Variants in DOCK4 observed in about 807,000 individuals in gnomAD.
DOCK4 encodes the protein dedicator of cytokinesis 4.
A neutral mutation model predicts 268.1 loss-of-function variants in DOCK4; 97 were observed. The ratio of observed to expected loss-of-function variants is 0.36; its 90% confidence interval spans 0.31 to 0.43. DOCK4 has a LOEUF of 0.43. Among genes scored for constraint, DOCK4 ranks in the 20% least tolerant of loss-of-function variants. The probability of loss-of-function intolerance (pLI) is 1.00; values close to 1 mark genes in which losing one functional copy is unlikely to be tolerated. For synonymous variants in DOCK4, 954 were observed against 887.2 expected, an observed-to-expected ratio of 1.08 and a Z score of -1.34; for missense variants, 2,145 against 2,455.7, an observed-to-expected ratio of 0.87 and a Z score of 2.67.
chr7:111,912,488 T>C (rs1456563706), intron 13 of DOCK4, among the ~76,000 whole-genome samples: 10 of 152,116 alleles, frequency 6.6e-5, no homozygotes, highest in Non-Finnish European at 1.3e-4. Flanking sequence ...TTAAAAAAAC[T>C]CATTTCTTGA....
chr7:112,204,738 T>TG lies in DOCK4; in HGVS notation c.37+1363dup, dbSNP rs201166226. On this transcript the variant is annotated intron_variant, in intron 1 of 52. Transcript: ENST00000428084. Reference sequence around the variant, plus strand: ...CCAAAGTCCTATCCCCAGGCAAAGTTGGGAAAAAAAAAAACAAAAATCCCC... The same window carrying TG: ...CCAAAGTCCTATCCCCAGGCAAAGTTGGGGAAAAAAAAAAACAAAAATCCCC... Among the ~76,000 whole-genome samples, 840 of 150,196 alleles carry TG rather than the reference T, an allele frequency of 5.6e-3. 2 individuals carry two copies. Among genetic ancestry groups the TG allele is most frequent in the Non-Finnish European group, 7.8e-3 (528 of 67,468 alleles).
At chr7:112,135,658 C>T (rs990040641) in intron 1 of DOCK4, among the ~76,000 whole-genome samples, 1 of 151,474 alleles carries the variant, frequency 6.6e-6, no homozygotes, top group African/African-American at 2.4e-5. Context: ...AATTAAATAC[C>T]ATCTAGAATA....
intron 1 of DOCK4, among the ~76,000 whole-genome samples, chr7:112,057,868 A>G (rs538606928): frequency 2.4e-4 from 36 of 151,990 alleles, no homozygotes; most frequent in Admixed American, 2.3e-3. Context: ...AGGTTTTATA[A>G]AACTAAAAAA....
intron 1 of DOCK4, chr7:112,023,372 CCT>C (rs1462208586): frequency 4.5e-6 from 1 of 220,008 alleles, no homozygotes; most frequent in Non-Finnish European, 9.4e-6. Flanking sequence ...TTGGCAAAAG[CCT>C]CTGTTTCCCC....
intron 1 of DOCK4, among the ~76,000 whole-genome samples, chr7:112,025,465 G>A (rs1266577617): frequency 6.6e-6 from 1 of 152,152 alleles, no homozygotes; most frequent in Non-Finnish European, 1.5e-5. Context: ...TTAGTTTAAA[G>A]TGCTGACTGG....
intron 27 of DOCK4, chr7:111,821,430 G>A (rs1449213096): frequency 6.6e-6 from 1 of 152,170 alleles, no homozygotes; most frequent in Non-Finnish European, 1.5e-5. Context: ...TGAAGACCAG[G>A]CCAGTTTCCT....
At chr7:111,743,545 G>A (rs1796073300) in intron 44 of DOCK4, among the ~76,000 whole-genome samples, 1 of 152,208 alleles carries the variant, frequency 6.6e-6, no homozygotes, top group South Asian at 2.1e-4. Flanking sequence ...GATGTAGGAG[G>A]TGGATCTAAA....
rs566814047 is a variant in DOCK4 at position 111,738,764 on chromosome 7, C to A, written c.5232+370G>T. Among the ~76,000 whole-genome samples, 4 of 152,232 alleles carry A rather than the reference C, an allele frequency of 2.6e-5. No individual in the cohort carries two copies. In the South Asian group the frequency reaches 8.3e-4, roughly 32 times the overall value. On this transcript the variant is annotated intron_variant, in intron 49 of 52. Transcript: ENST00000428084. The stretch of plus-strand genomic sequence containing the variant: ...ACCAGCCTGGCCAACATGGCAAAAC[C>A]CCATTTCTATTATAAATACAAAAAT...
At chr7:112,078,854 G>A (rs1051251645) in intron 1 of DOCK4, among the ~76,000 whole-genome samples, 2 of 152,068 alleles carry the variant, frequency 1.3e-5, no homozygotes, top group East Asian at 1.9e-4. Flanking sequence ...GGCCGGGTGC[G>A]GTGGCTCACA....
intron 1 of DOCK4, among the ~76,000 whole-genome samples, chr7:112,179,765 T>C (rs1818861939): frequency 6.6e-6 from 1 of 152,200 alleles, no homozygotes; most frequent in African/African-American, 2.4e-5. Context: ...TGTCAAGATT[T>C]AGGAGATTAG....
rs780084673 is a variant in DOCK4 at position 111,900,451 on chromosome 7, G to T, written c.1403C>A (p.Ser468Tyr). The change falls in exon 15 of 53, where the codon TCT (serine) becomes TAT (tyrosine). Residue 468 changes from serine (S) to tyrosine (Y), a missense_variant. This residue lies in a region of DOCK4 where 1,598 missense variants were observed against 1,986.7 expected (regional missense o/e 0.80). Transcript: ENST00000428084. ...AGGAATGGGAAGTTTCAGCAGTTCA[G>T]ACCACCTGGGACTGTTGTTATGGTA... ...VLYHNNSPRW[S>Y]ELLKLPIPVD... The T allele has an allele frequency of 1.2e-6, 2 of 1,613,368 alleles. No individual in the cohort carries two copies. The highest frequency in any genetic ancestry group is 1.7e-6 in the Non-Finnish European group (2 of 1,179,692).
intron 1 of DOCK4, among the ~76,000 whole-genome samples, chr7:112,089,529 A>T (rs1336708173): frequency 6.6e-6 from 1 of 152,228 alleles, no homozygotes; most frequent in African/African-American, 2.4e-5. Context: ...AAGTCCTTCC[A>T]AAGGACATAT....
chr7:111,940,663 G>A (rs1228616521), intron 10 of DOCK4, among the ~76,000 whole-genome samples: 1 of 152,172 alleles, frequency 6.6e-6, no homozygotes, highest in African/African-American at 2.4e-5. Context: ...AGTAGTTTGA[G>A]GTTGTCTGAA....
intron 8 of DOCK4, among the ~76,000 whole-genome samples, chr7:111,950,332 C>T (rs1165140857): frequency 6.6e-6 from 1 of 152,208 alleles, no homozygotes; most frequent in Non-Finnish European, 1.5e-5. Context: ...TAAGTCTGTT[C>T]TATCGCAACT....
intron 1 of DOCK4, among the ~76,000 whole-genome samples, chr7:112,093,292 C>T (rs533546454): frequency 6.6e-5 from 10 of 152,164 alleles, no homozygotes; most frequent in Non-Finnish European, 1.5e-4. Context: ...CCATAAATCT[C>T]TGTTCCTGTT....
chr7:111,899,692 G>A (rs1226895050), intron 15 of DOCK4, among the ~76,000 whole-genome samples: 3 of 152,176 alleles, frequency 2.0e-5, no homozygotes, highest in African/African-American at 4.8e-5. Context: ...GGAGGCCGAG[G>A]CGGGTGGATC....
intron 1 of DOCK4, among the ~76,000 whole-genome samples, chr7:112,113,895 G>C (rs959241479): frequency 6.6e-6 from 1 of 151,588 alleles, no homozygotes; most frequent in South Asian, 2.1e-4. Flanking sequence ...TGCTTCGCCT[G>C]GATTTTTAGA....
At chr7:111,744,750 A>G (rs1263794407) in intron 44 of DOCK4, among the ~76,000 whole-genome samples, 6 of 152,240 alleles carry the variant, frequency 3.9e-5, no homozygotes, top group Non-Finnish European at 8.8e-5. Flanking sequence ...CACTTCTAGT[A>G]TCTACAAACA....
chr7:111,731,752 T>C (rs1795098624), intron 52 of DOCK4, among the ~76,000 whole-genome samples: 1 of 152,226 alleles, frequency 6.6e-6, no homozygotes, highest in African/African-American at 2.4e-5. Flanking sequence ...TATAAAATAT[T>C]AACAGAGAAT....
Sources: gnomAD v4.1 joint callset for allele counts (sites outside exome capture counted in the v4.1 genomes callset) on GRCh38, gnomAD v4.1.1 for gene constraint, gnomAD v4.1.1 regional missense constraint, MANE v1.5 for transcripts, NCBI Gene and HGNC (gene_info 2026-07-23, HGNC 2026-07-21) for gene names.